The following ARF1 variants were observed in gnomAD, a reference collection of about 807,000 sequenced individuals.
The protein encoded by ARF1 is ADP-ribosylation factor 1.
Under a neutral mutation model 18.0 loss-of-function variants are expected in ARF1, and 1 was observed. That is an observed-to-expected ratio of 0.06 (90% CI 0.02 to 0.26). ARF1 has a LOEUF of 0.26. Ranked by LOEUF, ARF1 falls within the 10% of genes least tolerant of loss-of-function variation. ARF1 has a pLI of 1.00. For missense variants in ARF1, 73 were observed against 247.2 expected, an observed-to-expected ratio of 0.30 and a Z score of 4.73; for synonymous variants, 112 against 96.3, an observed-to-expected ratio of 1.16 and a Z score of -0.95.
At position 228,097,823 on chromosome 1, in the gene ARF1, C is replaced by G; in HGVS notation, c.385-29C>G. The G allele has an allele frequency of 1.2e-6, 2 of 1,605,848 alleles. No individual in the cohort carries two copies. Among genetic ancestry groups the G allele is most frequent in the Non-Finnish European group, 1.7e-6 (2 of 1,175,086 alleles). On this transcript the variant is annotated intron_variant, in intron 4 of 4. Transcript: ENST00000272102. This position sits in a 1 kb window ranked among gnomAD's most constrained non-coding sequence, Gnocchi z 8.1. ...GCCCCTTTCTCTGTCCTGTGGACAG[C>G]CCTTCCCACCAACCCTTCCTTCCCC...
At chr1:228,085,343 G>A (rs2032359672) in intron 1 of ARF1, among the ~76,000 whole-genome samples, 1 of 152,218 alleles carries the variant, frequency 6.6e-6, no homozygotes, top group African/African-American at 2.4e-5. Context: ...TTACAGCTGC[G>A]CAGCTGCCGC....
chr1:228,086,193 C>A (rs927307556), intron 1 of ARF1, among the ~76,000 whole-genome samples: 6 of 152,200 alleles, frequency 3.9e-5, no homozygotes, highest in African/African-American at 1.4e-4. Context: ...AAGGAATGTT[C>A]AGACTGAACC....
chr1:228,087,827 AGACT>A (rs963867833), intron 1 of ARF1, among the ~76,000 whole-genome samples: 5 of 152,224 alleles, frequency 3.3e-5, no homozygotes, highest in African/African-American at 4.8e-5. Context: ...AAGAATGTTC[AGACT>A]GACCCACACA....
Position 228,097,959 on chromosome 1 carries a change from C to T in ARF1, c.492C>T (p.Asp164=), listed in dbSNP as rs373532921. The T allele has an allele frequency of 1.9e-5, 30 of 1,614,090 alleles. No homozygotes were observed. Among genetic ancestry groups the T allele is most frequent in the East Asian group, 1.6e-4 (7 of 44,894 alleles). ...YIQATCATSG[D]GLYEGLDWLS... ...AGGCCACCTGCGCCACCAGCGGCGA[C>T]GGGCTCTATGAAGGACTGGACTGGC... Residue 164 remains aspartate (D), a synonymous_variant, in exon 5 of 5, where the codon GAC becomes GAT. Transcript: ENST00000272102. This position sits in a 1 kb window ranked among gnomAD's most constrained non-coding sequence, Gnocchi z 8.1.
chr1:228,097,919 G>A lies in ARF1; in HGVS notation c.452G>A (p.Arg151Lys). 1 of 1,614,192 alleles carries A rather than the reference G, an allele frequency of 6.2e-7. No homozygotes were observed. The highest frequency in any genetic ancestry group is 8.5e-7 in the Non-Finnish European group (1 of 1,180,030). ...DKLGLHSLRH[R>K]NWYIQATCAT... Reference sequence around the variant, plus strand: ...CTGGGGCTGCACTCACTACGCCACAGGAACTGGTACATTCAGGCCACCTGC... The same window carrying A: ...CTGGGGCTGCACTCACTACGCCACAAGAACTGGTACATTCAGGCCACCTGC... The change falls in exon 5 of 5, where the codon AGG becomes AAG. Residue 151 changes from arginine to lysine, a missense_variant. By Grantham distance (26) the Arg-to-Lys change is conservative. Around this residue, in one of 3 missense-constraint regions of ARF1, gnomAD observed 48 missense variants for 144.7 expected, o/e 0.33. Transcript: ENST00000272102. This position sits in a 1 kb window ranked among gnomAD's most constrained non-coding sequence, Gnocchi z 8.1.
At position 228,097,792 on chromosome 1, in the gene ARF1, G is replaced by A. The variant is rs1357356097; in HGVS notation, c.385-60G>A. 21 of 1,588,538 alleles carry A rather than the reference G, an allele frequency of 1.3e-5. No individual in the cohort carries two copies. Among genetic ancestry groups the A allele is most frequent in the Non-Finnish European group, 1.6e-5 (19 of 1,165,482 alleles). On this transcript the variant is annotated intron_variant, in intron 4 of 4. Transcript: ENST00000272102. The surrounding 1 kb of genome is among the most constrained non-coding windows in gnomAD (Gnocchi z 8.1). ...CTGGTGGTAGGGGTTACTGGAGGCT[G>A]GTGGGGCCCCTTTCTCTGTCCTGTG...
intron 1 of ARF1, among the ~76,000 whole-genome samples, chr1:228,087,019 T>C (rs1484737824): frequency 6.6e-6 from 1 of 152,218 alleles, no homozygotes; most frequent in East Asian, 1.9e-4. Context: ...ACCTGTGTTA[T>C]AAGAGTGTGT....
At position 228,098,062 on chromosome 1, in the gene ARF1, T is replaced by A; in HGVS notation, c.*49T>A. 1 of 1,560,920 alleles carries A rather than the reference T, an allele frequency of 6.4e-7. No individual in the cohort carries two copies. Among genetic ancestry groups the A allele is most frequent in the South Asian group, 1.2e-5 (1 of 83,352 alleles). ...CCTCTTGCCCTCTGCTTTACTCTCA[T>A]GTGGCAAACGTGCGGCTCGTGGTGT... is the stretch of plus-strand genomic sequence containing the variant. On this transcript the variant is annotated 3_prime_UTR_variant, in exon 5 of 5. Coordinates refer to ENST00000272102, the MANE Select transcript of ARF1 (RefSeq NM_001658.4).
intron 1 of ARF1, among the ~76,000 whole-genome samples, chr1:228,086,040 A>G (rs781186000): frequency 3.3e-5 from 5 of 152,246 alleles, no homozygotes; most frequent in South Asian, 2.1e-4. Flanking sequence ...CCACCCTCCA[A>G]TTTTCCCAGA....
At chr1:228,093,649 G>A (rs553451375) in intron 1 of ARF1, among the ~76,000 whole-genome samples, 13 of 150,744 alleles carry the variant, frequency 8.6e-5, no homozygotes, top group South Asian at 6.3e-4. Context: ...AAATCCGGGC[G>A]TGGTGGCTCA....
intron 1 of ARF1, among the ~76,000 whole-genome samples, chr1:228,083,717 G>C (rs1252212250): frequency 3.3e-5 from 5 of 152,256 alleles, no homozygotes; most frequent in Non-Finnish European, 5.9e-5. Context: ...GCGCTCTCTC[G>C]GAGCACAGCC....
rs1317285986 is a variant in ARF1, at chr1:228,099,005, C to A, written c.*992C>A. 6.6e-6 allele frequency: 1 copy of A among 152,526 alleles called. No individual in the cohort carries two copies. Among genetic ancestry groups the A allele is most frequent in the Admixed American group, 6.5e-5 (1 of 15,270 alleles). 9.4% of individuals were successfully genotyped at this position (152,526 alleles called of 1,614,324 possible). A position where few individuals can be genotyped will look rare whatever the true frequency, so the allele number is the denominator to read the frequency against. On this transcript the variant is annotated 3_prime_UTR_variant, in exon 5 of 5. Transcript: ENST00000272102. Reference sequence around the variant, plus strand: ...CGAAAAAGACAACCTCTACTTTTTTCTTTTGTATTTTGATAAACACTGAAG... The same window carrying A: ...CGAAAAAGACAACCTCTACTTTTTTATTTTGTATTTTGATAAACACTGAAG...
chr1:228,096,632 C>T (rs1013726316), intron 1 of ARF1: 6 of 156,172 alleles, frequency 3.8e-5, no homozygotes, highest in African/African-American at 1.4e-4. Flanking sequence ...GGGAGTGTGT[C>T]CCTGAAGGTG....
At position 228,089,545 on chromosome 1, in the gene ARF1, C is replaced by T. The variant is rs928578584; in HGVS notation, c.-38+6780C>T. On this transcript the variant is annotated intron_variant, in intron 1 of 4. Transcript: ENST00000272102. This position sits in a 1 kb window ranked among gnomAD's most constrained non-coding sequence, Gnocchi z 4.1. ...TTGTGTGGTGTTTCCCCTCAGCCTA[C>T]ATTTTTAAAATGAACGTTTCTTGAA... Among the ~76,000 whole-genome samples, 1 of 152,230 alleles carries T rather than the reference C, an allele frequency of 6.6e-6. No individual in the cohort carries two copies. Among genetic ancestry groups the T allele is most frequent in the African/African-American group, 2.4e-5 (1 of 41,462 alleles).
intron 1 of ARF1, among the ~76,000 whole-genome samples, chr1:228,093,940 A>AGTGAGACT (rs2032651302): frequency 8.0e-6 from 1 of 125,458 alleles, no homozygotes; most frequent in African/African-American, 3.2e-5. Flanking sequence ...TGGATGACAG[A>AGTGAGACT]GTGAGACTCT....
intron 1 of ARF1, among the ~76,000 whole-genome samples, chr1:228,091,304 G>A (rs370461208): frequency 2.0e-5 from 3 of 152,172 alleles, no homozygotes; most frequent in East Asian, 3.9e-4. Context: ...GATAGATAAT[G>A]CCCTCCCTTA....
chr1:228,091,973 C>T (rs923768729), intron 1 of ARF1, among the ~76,000 whole-genome samples: 6 of 152,128 alleles, frequency 3.9e-5, no homozygotes, highest in Non-Finnish European at 8.8e-5. Flanking sequence ...ATATGTATGA[C>T]TGTTGAAAGG....
Position 228,098,995 on chromosome 1 carries a change from C to T in ARF1, c.*982C>T, listed in dbSNP as rs979361364. The T allele has an allele frequency of 3.9e-5, 6 of 152,636 alleles. No homozygotes were observed. The highest frequency in any genetic ancestry group is 9.7e-5 in the African/African-American group (4 of 41,450). The allele number at this position is 152,636 out of a possible 1,614,324, so 9.5% of individuals were successfully genotyped here. ...GATTTGCCATCGAAAAAGACAACCT[C>T]TACTTTTTTCTTTTGTATTTTGATA... On this transcript the variant is annotated 3_prime_UTR_variant, in exon 5 of 5. Coordinates refer to ENST00000272102, the MANE Select transcript of ARF1 (RefSeq NM_001658.4).
At chr1:228,086,003 C>G (rs181993401) in intron 1 of ARF1, among the ~76,000 whole-genome samples, 1 of 152,268 alleles carries the variant, frequency 6.6e-6, no homozygotes, top group East Asian at 1.9e-4. Flanking sequence ...AGTCACAGGG[C>G]CAAGGCAGGA....
Sources: allele counts gnomAD v4.1 joint callset (sites outside exome capture counted in the v4.1 genomes callset), GRCh38; gene constraint gnomAD v4.1.1; regional missense constraint gnomAD v4.1.1; non-coding constraint Gnocchi (gnomAD v3.1); transcripts MANE v1.5; gene names NCBI Gene and HGNC (gene_info 2026-07-23, HGNC 2026-07-21).